Variants in SYF2 observed in about 807,000 individuals in gnomAD.
The protein encoded by SYF2 is SYF2 pre-mRNA splicing factor, also known as pre-mRNA-splicing factor SYF2.
Under a neutral mutation model 32.7 loss-of-function variants are expected in SYF2, and 21 were observed. The observed-to-expected ratio is 0.64, with a 90% CI of 0.45 to 0.92. The LOEUF (loss-of-function observed/expected upper bound fraction) is 0.92, where lower values mean the gene tolerates loss of function less well. Ranked by LOEUF, SYF2 falls within the 40% of genes least tolerant of loss-of-function variation. The pLI is 0.00. For missense variants in SYF2, 278 were observed against 296.5 expected, an observed-to-expected ratio of 0.94 and a Z score of 0.46; for synonymous variants, 114 against 103.9, an observed-to-expected ratio of 1.10 and a Z score of -0.59.
chr1:25,228,465 G>A (rs1638559577), intron 3 of SYF2, among the ~76,000 whole-genome samples: 1 of 152,148 alleles, frequency 6.6e-6, no homozygotes, highest in African/African-American at 2.4e-5. Context: ...CTCCCAAGTA[G>A]CTGGGACTAC....
chr1:25,225,169 T>C, intron 5 of SYF2, 69 bp from the exon 6 acceptor site: 2 of 993,208 alleles, frequency 2.0e-6, no homozygotes, highest in South Asian at 1.3e-5. Context: ...CAAACTAAAG[T>C]ACCATACATG....
rs770723767 is a variant in SYF2 at position 25,232,460 on chromosome 1, G to A, written c.8C>T (p.Ala3Val). 2 of 1,614,208 alleles carry A rather than the reference G, an allele frequency of 1.2e-6. No homozygotes were observed. The highest frequency in any genetic ancestry group is 1.1e-5 in the South Asian group (1 of 91,088). ...GGAACTCACCTCGGATGCAGCTATA[G>A]CCGCCATCACAACCTTTCTCTCTTC... Reference protein sequence around the residue: MAAIAASEVLVDS... With the variant: MAVIAASEVLVDS... The change falls in exon 1 of 7, where the codon GCT (alanine) becomes GTT (valine). Residue 3 changes from alanine (A) to valine (V), a missense_variant. Coordinates refer to ENST00000236273, the MANE Select transcript of SYF2 (RefSeq NM_015484.5).
intron 6 of SYF2, among the ~76,000 whole-genome samples, chr1:25,223,640 C>G (rs1289169373): frequency 6.6e-6 from 1 of 152,134 alleles, no homozygotes; most frequent in Non-Finnish European, 1.5e-5. Flanking sequence ...AATACAAATT[C>G]ATCTTCAGAA....
chr1:25,228,439 A>T (rs933137727), intron 3 of SYF2, among the ~76,000 whole-genome samples: 4 of 152,154 alleles, frequency 2.6e-5, no homozygotes. Flanking sequence ...GGTTCAAGGG[A>T]TTCTCATCTC....
At position 25,232,106 on chromosome 1, in the gene SYF2, G is replaced by C. The variant is rs542971656; in HGVS notation, c.130C>G (p.Arg44Gly). 244 of 1,613,268 alleles carry C rather than the reference G, an allele frequency of 1.5e-4. No individual in the cohort carries two copies. The highest frequency in any genetic ancestry group is 2.0e-4 in the Non-Finnish European group (232 of 1,179,756). The change falls in exon 2 of 7, where the codon CGG (arginine) becomes GGG (glycine). Residue 44 changes from arginine (R) to glycine (G), a missense_variant and splice_region_variant. By Grantham distance (125) the Arg-to-Gly change is moderately radical. Coordinates refer to ENST00000236273, the MANE Select transcript of SYF2 (RefSeq NM_015484.5). ...LRKFRELHLM[R>G]NEARKLNHQE... ...AGCCGGCCTCCAAGACTACTCACCC[G>C]CATCAGGTGCAGCTCCCGGAATTTG...
At chr1:25,231,240 G>A (rs1217200303) in intron 2 of SYF2, 1 of 152,204 alleles carries the variant, frequency 6.6e-6, no homozygotes, top group Non-Finnish European at 1.5e-5. Context: ...AGTCTTCTTT[G>A]TTTTGTCTCA....
At chr1:25,226,214 T>C (rs1638507807) in intron 5 of SYF2, among the ~76,000 whole-genome samples, 1 of 152,024 alleles carries the variant, frequency 6.6e-6, no homozygotes, top group Non-Finnish European at 1.5e-5. Context: ...TAAGACATCA[T>C]CTACGCCAAC....
Position 25,228,223 on chromosome 1 carries a change from T to C in SYF2, c.271A>G (p.Arg91Gly). Residue 91 changes from arginine (R) to glycine (G), a missense_variant, in exon 4 of 7, where the codon AGA becomes GGA. Transcript: ENST00000236273. Reference sequence around the variant, plus strand: ...TTCACTTTCTCATAGTCTTCTCCTCTTGCCGCACATTCCTAAAAAGAAGAA... The same window carrying C: ...TTCACTTTCTCATAGTCTTCTCCTCCTGCCGCACATTCCTAAAAAGAAGAA... ...EEEKKKECAA[R>G]GEDYEKVKLL... 4 of 1,612,294 alleles carry C rather than the reference T, an allele frequency of 2.5e-6. No individual in the cohort carries two copies. The highest frequency in any genetic ancestry group is 2.5e-6 in the Non-Finnish European group (3 of 1,179,808).
intron 5 of SYF2, 46 bp downstream of exon 5, chr1:25,227,386 TACACACACAC>T (rs111662912): frequency 7.5e-7 from 1 of 1,326,958 alleles, no homozygotes; most frequent in African/African-American, 1.5e-5. Flanking sequence ...TGTACATGTA[TACACACACAC>T]ACACACAAAT....
At chr1:25,231,950 G>A (rs1638638730) in intron 2 of SYF2, 154 bp downstream of exon 2, 1 of 769,356 alleles carries the variant, frequency 1.3e-6, no homozygotes, top group Non-Finnish European at 2.3e-6. Flanking sequence ...CCAATGTGCT[G>A]CCAGGGTTGA....
Position 25,222,313 on chromosome 1 carries a change from TAAC to T in SYF2, c.*950_*952del, listed in dbSNP as rs1363813239. On this transcript the variant is annotated 3_prime_UTR_variant, in exon 7 of 7. Transcript: ENST00000236273. ...CATTTAATTCAACATAGAGAAAAAA[TAAC>T]AACCTTTCCCTCTGGAGTTTTATAA... Among the ~76,000 whole-genome samples the T allele has an allele frequency of 2.0e-5, 3 of 152,132 alleles. No individual in the cohort carries two copies. Among genetic ancestry groups the T allele is most frequent in the African/African-American group, 7.2e-5 (3 of 41,432 alleles).
chr1:25,230,069 G>A (rs1638597109), intron 2 of SYF2, among the ~76,000 whole-genome samples: 1 of 152,046 alleles, frequency 6.6e-6, no homozygotes, highest in African/African-American at 2.4e-5. Context: ...CTGCCCGCCT[G>A]GACCTCCCAA....
rs1207718655 is a variant in SYF2, at chr1:25,229,125, T to G, written c.133-2A>C. 6.2e-7 allele frequency: 1 copy of G among 1,610,538 alleles called. No individual in the cohort carries two copies. Among genetic ancestry groups the G allele is most frequent in the Admixed American group, 1.7e-5 (1 of 59,092 alleles). On this transcript the variant is annotated splice_acceptor_variant, in intron 2 of 6. Coordinates refer to ENST00000236273, the MANE Select transcript of SYF2 (RefSeq NM_015484.5). LOFTEE classifies it high-confidence loss of function. ...GTGATTTAATTTACGAGCTTCATTC[T>G]AAAACCGTAACACAAGAAGTCTGTC...
In SYF2 at chr1:25,223,263, G is replaced by A; in HGVS notation, c.*3C>T. The A allele has an allele frequency of 6.2e-7, 1 of 1,611,894 alleles. No individual in the cohort carries two copies. Among genetic ancestry groups the A allele is most frequent in the Non-Finnish European group, 8.5e-7 (1 of 1,179,404 alleles). ...AAGCTTCTATAAACAGTTCTTGAAGGGATTAGACAGCTGTTCCTCTTTCCA... is the reference window on the plus strand; with the variant it reads ...AAGCTTCTATAAACAGTTCTTGAAGAGATTAGACAGCTGTTCCTCTTTCCA... On this transcript the variant is annotated 3_prime_UTR_variant, in exon 7 of 7. Transcript: ENST00000236273.
intron 6 of SYF2, among the ~76,000 whole-genome samples, chr1:25,224,331 C>T (rs1416223483): frequency 6.6e-6 from 1 of 152,102 alleles, no homozygotes; most frequent in East Asian, 1.9e-4. Flanking sequence ...TCACAGTTCA[C>T]TGCACCCTCC....
Position 25,227,510 on chromosome 1 carries a change from G to T in SYF2, c.399C>A (p.Arg133=). ...TCTGCTTGGTCAACCGATGATACTG[G>T]CGTAACTGGGCAGCAGCATAATCTA... ...GFSDYAAAQL[R]QYHRLTKQIK... Residue 133 remains arginine, a synonymous_variant, in exon 5 of 7, where the codon CGC becomes CGA. Coordinates refer to ENST00000236273, the MANE Select transcript of SYF2 (RefSeq NM_015484.5). The T allele has an allele frequency of 6.2e-7, 1 of 1,613,554 alleles. No individual in the cohort carries two copies. Among genetic ancestry groups the T allele is most frequent in the Non-Finnish European group, 8.5e-7 (1 of 1,179,900 alleles).
intron 2 of SYF2, chr1:25,231,535 C>T (rs1277238659): frequency 6.4e-6 from 1 of 156,346 alleles, no homozygotes; most frequent in Admixed American, 6.4e-5. Flanking sequence ...TTCCTCTCTC[C>T]TCCTCTGCAC....
chr1:25,227,512 G>A lies in SYF2; in HGVS notation c.397C>T (p.Arg133Cys), dbSNP rs778083415. 14 of 1,613,402 alleles carry A rather than the reference G, an allele frequency of 8.7e-6. No homozygotes were observed. The highest frequency in any genetic ancestry group is 5.5e-5 in the South Asian group (5 of 90,942). The change falls in exon 5 of 7, where the codon CGC becomes TGC. Residue 133 changes from arginine to cysteine, a missense_variant. Physicochemically the swap from Arg to Cys is radical, Grantham distance 180. Transcript: ENST00000236273. ...TGCTTGGTCAACCGATGATACTGGC[G>A]TAACTGGGCAGCAGCATAATCTAAA... The part of the protein sequence containing the change: ...GFSDYAAAQL[R>C]QYHRLTKQIK...
chr1:25,223,946 C>A (rs938978684), intron 6 of SYF2, among the ~76,000 whole-genome samples: 1 of 152,284 alleles, frequency 6.6e-6, no homozygotes, highest in South Asian at 2.1e-4. Context: ...GTAACCCCAG[C>A]ACTTTGGGAG....
Sources: gnomAD v4.1 joint callset for allele counts (sites outside exome capture counted in the v4.1 genomes callset) on GRCh38, gnomAD v4.1.1 for gene constraint, MANE v1.5 for transcripts, NCBI Gene and HGNC (gene_info 2026-07-23, HGNC 2026-07-21) for gene names.